PCDH19: variants seen among roughly 807,000 people sequenced by gnomAD.
The protein encoded by PCDH19 is protocadherin-19.
A neutral mutation model predicts 46.2 loss-of-function variants in PCDH19; 6 were observed. The ratio of observed to expected loss-of-function variants is 0.13; its 90% confidence interval spans 0.07 to 0.26. The LOEUF is 0.26. PCDH19 is among the 10% of genes least tolerant of loss of function. The probability of loss-of-function intolerance (pLI) is 1.00; values close to 1 mark genes in which losing one functional copy is unlikely to be tolerated. For synonymous variants in PCDH19, 481 were observed against 415.7 expected (o/e 1.16, Z -1.91); for missense variants, 740 against 972.3 (o/e 0.76, Z 3.18).
chrX:100,403,437 T>C, intron 2 of PCDH19, 87 bp downstream of exon 2: 1 of 751,797 alleles, frequency 1.3e-6, no homozygotes, highest in East Asian at 4.1e-5. Flanking sequence ...CCTAGCCCGG[T>C]TCCCTTTTAC....
At chrX:100,377,428 C>T (rs1050827140) in intron 3 of PCDH19, among the ~76,000 whole-genome samples, 2 of 112,014 alleles carry the variant, frequency 1.8e-5, no homozygotes, top group African/African-American at 6.5e-5. Context: ...CATAATTCTT[C>T]ATCTTATGCA....
At chrX:100,391,583 A>G (rs1355849230) in intron 3 of PCDH19, among the ~76,000 whole-genome samples, 2 of 112,245 alleles carry the variant, frequency 1.8e-5, no homozygotes, top group Non-Finnish European at 3.8e-5. Flanking sequence ...GCAGGCAGCT[A>G]TATGAAGCCC....
chrX:100,304,769 T>C (rs948547070), intron 5 of PCDH19, among the ~76,000 whole-genome samples: 2 of 111,690 alleles, frequency 1.8e-5, no homozygotes, highest in Non-Finnish European at 3.8e-5. Flanking sequence ...CTTAGAGAAA[T>C]GCAAAATGCA....
At position 100,293,831 on chromosome X, in the gene PCDH19, A is replaced by G. The variant is rs1924505764; in HGVS notation, c.*2446T>C. On this transcript the variant is annotated 3_prime_UTR_variant, in exon 6 of 6. Transcript: ENST00000373034. ...AATGAAGAAAACCCAAGAGAAAAGC[A>G]AAATCAATGCCAATGCCACTCTAAC... is the stretch of plus-strand genomic sequence containing the variant. 9.0e-6 allele frequency: 1 copy of G among 111,693 alleles called. No homozygotes were observed. The highest frequency in any genetic ancestry group is 1.9e-5 in the Non-Finnish European group (1 of 53,145). 9.2% of individuals were successfully genotyped at this position (111,693 alleles called of 1,213,427 possible).
At chrX:100,397,397 G>A (rs1223661545) in intron 3 of PCDH19, among the ~76,000 whole-genome samples, 1 of 111,858 alleles carries the variant, frequency 8.9e-6, no homozygotes, top group Non-Finnish European at 1.9e-5. Context: ...AGTGGCTATA[G>A]CAGAGCATGC....
intron 5 of PCDH19, among the ~76,000 whole-genome samples, chrX:100,322,823 A>G (rs1247406191): frequency 1.3e-5 from 1 of 75,906 alleles, no homozygotes; most frequent in African/African-American, 5.2e-5. Context: ...TTGGTTAGGT[A>G]TATTCCTAAG....
At chrX:100,322,865 A>ATATATATATATATATATTTTTTT in intron 5 of PCDH19, among the ~76,000 whole-genome samples, 10 of 54,412 alleles carry the variant, frequency 1.8e-4, no homozygotes, top group African/African-American at 4.2e-4. Flanking sequence ...ATATATATAT[A>ATATATATATATATATATTTTTTT]TTTTTGCAGC....
chrX:100,385,471 A>G (rs909930838), intron 3 of PCDH19, among the ~76,000 whole-genome samples: 3 of 112,556 alleles, frequency 2.7e-5, no homozygotes, highest in African/African-American at 9.7e-5. Context: ...TGTTATTTAT[A>G]TAAAACAAAA....
intron 3 of PCDH19, among the ~76,000 whole-genome samples, chrX:100,358,169 T>C (rs1926773492): frequency 8.9e-6 from 1 of 112,134 alleles, no homozygotes; most frequent in Admixed American, 9.5e-5. Context: ...CTGGGAATGG[T>C]GGTGACAACA....
In PCDH19 at chrX:100,341,971, C is replaced by A; in HGVS notation, c.2780G>T (p.Cys927Phe). The A allele has an allele frequency of 8.3e-7, 1 of 1,209,150 alleles. No individual in the cohort carries two copies. Among genetic ancestry groups the A allele is most frequent in the East Asian group, 3.0e-5 (1 of 33,830 alleles). The change falls in exon 5 of 6, where the codon TGT becomes TTT. Residue 927 changes from cysteine (C) to phenylalanine (F), a missense_variant. This residue lies in a region of PCDH19 where 416 missense variants were observed against 476.8 expected (regional missense o/e 0.87). Transcript: ENST00000373034. Reference sequence around the variant, plus strand: ...CAGCACATCGTTGACAGCAGTATCACAATACAGGCTCCGCTGGACATCATG... The same window carrying A: ...CAGCACATCGTTGACAGCAGTATCAAAATACAGGCTCCGCTGGACATCATG... Reference protein sequence around the residue: ...SEHDVQRSLYCDTAVNDVLNT... With the variant: ...SEHDVQRSLYFDTAVNDVLNT...
intron 5 of PCDH19, among the ~76,000 whole-genome samples, chrX:100,320,972 T>C (rs1310115332): frequency 9.4e-6 from 1 of 106,242 alleles, no homozygotes; most frequent in African/African-American, 3.4e-5. Flanking sequence ...AAGTCCACTG[T>C]ATCATTCTTA....
chrX:100,309,317 G>T (rs1925057731), intron 5 of PCDH19, among the ~76,000 whole-genome samples: 2 of 111,731 alleles, frequency 1.8e-5, no homozygotes, highest in African/African-American at 6.5e-5. Flanking sequence ...TCGCTAATAA[G>T]TGGGAGCTAA....
chrX:100,307,665 A>G (rs1924990838), intron 5 of PCDH19, among the ~76,000 whole-genome samples: 1 of 111,434 alleles, frequency 9.0e-6, no homozygotes, highest in African/African-American at 3.3e-5. Context: ...TCATCCAAAA[A>G]GCTCCTAGAT....
chrX:100,332,917 G>A (rs1243342037), intron 5 of PCDH19, among the ~76,000 whole-genome samples: 2 of 107,930 alleles, frequency 1.9e-5, no homozygotes, highest in Non-Finnish European at 1.9e-5. Flanking sequence ...TGGGAGGGTC[G>A]CCTGAGCCCA....
chrX:100,321,403 C>T (rs5921544), intron 5 of PCDH19, among the ~76,000 whole-genome samples: 36,434 of 110,920 alleles, frequency 0.33, 5,340 homozygotes, highest in East Asian at 0.65. Context: ...GGAAGTTATA[C>T]CTGTTCACCG....
intron 5 of PCDH19, among the ~76,000 whole-genome samples, chrX:100,323,857 T>C (rs139661636): frequency 0.045 from 4,964 of 111,331 alleles, 102 homozygotes; most frequent in Middle Eastern, 0.16. Context: ...AGGATAGAAT[T>C]AGGCTGAGGT....
At chrX:100,333,385 G>A (rs1232649570) in intron 5 of PCDH19, among the ~76,000 whole-genome samples, 1 of 111,467 alleles carries the variant, frequency 9.0e-6, no homozygotes, top group East Asian at 2.9e-4. Flanking sequence ...CACCCAAATA[G>A]AGCATAATTT....
At chrX:100,344,100 T>C (rs964520681) in intron 4 of PCDH19, among the ~76,000 whole-genome samples, 2 of 111,580 alleles carry the variant, frequency 1.8e-5, no homozygotes, top group Admixed American at 9.5e-5. Context: ...TATAAGAAAA[T>C]GAAGAGCAGG....
intron 5 of PCDH19, among the ~76,000 whole-genome samples, chrX:100,326,720 A>G (rs1925707044): frequency 8.9e-6 from 1 of 112,223 alleles, no homozygotes; most frequent in African/African-American, 3.2e-5. Context: ...TTTGGCAGAC[A>G]TGTTATAATT....
Sources: allele counts gnomAD v4.1 joint callset (sites outside exome capture counted in the v4.1 genomes callset), GRCh38; gene constraint gnomAD v4.1.1; regional missense constraint gnomAD v4.1.1; transcripts MANE v1.5; gene names NCBI Gene and HGNC (gene_info 2026-07-23, HGNC 2026-07-21).